The following BYSL variants were observed in gnomAD, a reference collection of about 807,000 sequenced individuals.
BYSL encodes the protein bystin.
In BYSL, 21 loss-of-function variants were observed where a neutral mutation model predicts 45.4. The ratio of observed to expected loss-of-function variants is 0.46; its 90% CI spans 0.33 to 0.67. BYSL has a LOEUF of 0.67. BYSL is among the 30% of genes least tolerant of loss of function. BYSL has a pLI of 0.02. For synonymous variants in BYSL, 215 were observed against 231.3 expected, an observed-to-expected ratio of 0.93 and a Z score of 0.64; for missense variants, 522 against 578.5, an observed-to-expected ratio of 0.90 and a Z score of 1.00.
In BYSL at chr6:41,931,457, C is replaced by T; in HGVS notation, c.766C>T (p.Pro256Ser). The T allele has an allele frequency of 1.2e-6, 2 of 1,614,192 alleles. No homozygotes were observed. Among genetic ancestry groups the T allele is most frequent in the Non-Finnish European group, 1.7e-6 (2 of 1,180,042 alleles). ...GCGCTTCTACAACCTTGTCCTGCTC[C>T]CTCGAGTACGAGATGACGTTGCTGA... ...AQRFYNLVLL[P>S]RVRDDVAEYK... Residue 256 changes from proline to serine, a missense_variant, in exon 5 of 7, where the codon CCT (proline) becomes TCT (serine). Physicochemically the swap from Pro to Ser is moderately conservative, Grantham distance 74. Coordinates refer to ENST00000230340, the MANE Select transcript of BYSL (RefSeq NM_004053.4).
In BYSL at chr6:41,928,185, G is replaced by A. The variant is rs78694567; in HGVS notation, c.431+649G>A. 6.3e-3 allele frequency among the ~76,000 whole-genome samples: 966 copies of A among 152,262 alleles called. 8 individuals are homozygous for A. The highest frequency in any genetic ancestry group is 0.02 in the African/African-American group (845 of 41,544). ...CATGCAGGCATTTAGACTGCCTGTGGTCAAACTCCTGAGCCCATAAATTTT... is the reference window on the plus strand; with the variant it reads ...CATGCAGGCATTTAGACTGCCTGTGATCAAACTCCTGAGCCCATAAATTTT... On this transcript the variant is annotated intron_variant, in intron 2 of 6. Transcript: ENST00000230340.
rs572178879 is a variant in BYSL, at chr6:41,927,868, C to T, written c.431+332C>T. Reference sequence around the variant, plus strand: ...GTTTTTTTAGCGGTAAGCTCAACTTCCTTGGACAAGTCTTCATATCCTAAG... The same window carrying T: ...GTTTTTTTAGCGGTAAGCTCAACTTTCTTGGACAAGTCTTCATATCCTAAG... On this transcript the variant is annotated intron_variant, in intron 2 of 6. Transcript: ENST00000230340. 6.8e-4 allele frequency among the ~76,000 whole-genome samples: 104 copies of T among 152,264 alleles called. 1 individual carries two copies. Among genetic ancestry groups the T allele is most frequent in the South Asian group, 1.0e-3 (5 of 4,818 alleles).
the BYSL span, among the ~76,000 whole-genome samples, chr6:41,913,268 GCA>G: frequency 6.6e-6 from 1 of 152,066 alleles, no homozygotes; most frequent in East Asian, 1.9e-4. Flanking sequence ...TGATCTAAAG[GCA>G]CAGAGCCAGT....
chr6:41,926,442 A>T (rs540625873), intron 1 of BYSL, among the ~76,000 whole-genome samples: 166 of 151,548 alleles, frequency 1.1e-3, no homozygotes, highest in African/African-American at 3.8e-3. Flanking sequence ...GGTTTATTTT[A>T]TTTTTTTTAA....
chr6:41,925,997 T>G (rs1775559029), intron 1 of BYSL, among the ~76,000 whole-genome samples: 1 of 152,202 alleles, frequency 6.6e-6, no homozygotes, highest in South Asian at 2.1e-4. Flanking sequence ...TTCATGTATT[T>G]AAATGGACTG....
chr6:41,926,634 A>T (rs1775567610), intron 1 of BYSL, among the ~76,000 whole-genome samples: 1 of 151,004 alleles, frequency 6.6e-6, no homozygotes, highest in African/African-American at 2.4e-5. Flanking sequence ...TATTTTTAGT[A>T]GAGATGGGGT....
chr6:41,930,677 A>G lies in BYSL; in HGVS notation c.613A>G (p.Lys205Glu). 1 of 1,613,886 alleles carries G rather than the reference A, an allele frequency of 6.2e-7. No homozygotes were observed. Reference sequence around the variant, plus strand: ...CAGTGGAAAACTGCCCAAGGCATTTAAGATCATCCCTGCACTCTCCAACTG... The same window carrying G: ...CAGTGGAAAACTGCCCAAGGCATTTGAGATCATCCCTGCACTCTCCAACTG... ...YRSGKLPKAF[K>E]IIPALSNWEQ... Residue 205 changes from lysine (K) to glutamate (E), a missense_variant, in exon 4 of 7, where the codon AAG becomes GAG. Lys to Glu is a moderately conservative substitution (Grantham distance 56, BLOSUM62 1). Transcript: ENST00000230340.
the BYSL span, among the ~76,000 whole-genome samples, chr6:41,910,951 A>C: frequency 1.5e-4 from 23 of 151,506 alleles, no homozygotes; most frequent in African/African-American, 4.8e-4. Flanking sequence ...TCTACTAAAA[A>C]CACAGAAATT....
At chr6:41,925,099 T>C (rs1428165042) in intron 1 of BYSL, among the ~76,000 whole-genome samples, 1 of 152,042 alleles carries the variant, frequency 6.6e-6, no homozygotes, top group Non-Finnish European at 1.5e-5. Context: ...CTGTGAGTCA[T>C]CCAAGAGCAG....
In BYSL at chr6:41,932,607, C is replaced by G. The variant is rs747896885; in HGVS notation, c.1215C>G (p.Leu405=). 1 of 1,614,212 alleles carries G rather than the reference C, an allele frequency of 6.2e-7. No individual in the cohort carries two copies. Among genetic ancestry groups the G allele is most frequent in the South Asian group, 1.1e-5 (1 of 91,088 alleles). ...AGAAAGAGGCCCTCTTAGAACTGCT[C>G]CGGCTGCAGCCCCATCCACAGCTAT... is the stretch of plus-strand genomic sequence containing the variant. ...TDQKEALLEL[L]RLQPHPQLSP... Residue 405 remains leucine (L), a synonymous_variant, in exon 7 of 7, where the codon CTC becomes CTG. Coordinates refer to ENST00000230340, the MANE Select transcript of BYSL (RefSeq NM_004053.4). The surrounding 1 kb of genome is among the most constrained non-coding windows in gnomAD (Gnocchi z 4.7).
chr6:41,914,861 G>A, the BYSL span, among the ~76,000 whole-genome samples: 12 of 152,120 alleles, frequency 7.9e-5, no homozygotes, highest in South Asian at 2.1e-4. Context: ...GTAAGAAAAC[G>A]GGAACTCTAA....
upstream of BYSL, among the ~76,000 whole-genome samples, chr6:41,918,105 G>A (rs1264642692): frequency 6.6e-6 from 1 of 152,142 alleles, no homozygotes; most frequent in Non-Finnish European, 1.5e-5. Context: ...GTAACCAACT[G>A]CCAACCAACA....
chr6:41,932,346 TC>T lies in BYSL; in HGVS notation c.969-12del. On this transcript the variant is annotated splice_polypyrimidine_tract_variant and intron_variant, in intron 6 of 6. Transcript: ENST00000230340. The surrounding 1 kb of genome is among the most constrained non-coding windows in gnomAD (Gnocchi z 4.7). ...TTTTCCCTGCTTACTCTACCCCACC[TC>T]CCTTTCCCACTAGTGCGGCCATGCT... is the stretch of plus-strand genomic sequence containing the variant. 1 of 1,601,556 alleles carries T rather than the reference TC, an allele frequency of 6.2e-7. No homozygotes were observed. Among genetic ancestry groups the T allele is most frequent in the East Asian group, 2.2e-5 (1 of 44,802 alleles).
At chr6:41,909,608 G>A in the BYSL span, 6 of 1,553,644 alleles carry the variant, frequency 3.9e-6, no homozygotes, top group East Asian at 4.5e-5. Flanking sequence ...CCGGAATGAG[G>A]CCAGACAGCA....
intron 2 of BYSL, among the ~76,000 whole-genome samples, chr6:41,928,832 C>G (rs1176364848): frequency 6.6e-6 from 1 of 152,190 alleles, no homozygotes; most frequent in Non-Finnish European, 1.5e-5. Flanking sequence ...CCCATGTCTG[C>G]ATAAGTTTCC....
chr6:41,915,118 C>G, the BYSL span, among the ~76,000 whole-genome samples: 1 of 152,166 alleles, frequency 6.6e-6, no homozygotes, highest in Non-Finnish European at 1.5e-5. Context: ...CTTTTAGAAA[C>G]TGCACAAAAC....
intron 3 of BYSL, 150 bp downstream of exon 3, chr6:41,930,420 T>C: frequency 4.0e-6 from 5 of 1,261,558 alleles, no homozygotes; most frequent in Non-Finnish European, 4.3e-6. Context: ...TGGGTTCAGA[T>C]TCCTGCTCTG....
the BYSL span, chr6:41,909,567 C>T: frequency 1.6e-5 from 25 of 1,601,136 alleles, no homozygotes; most frequent in Non-Finnish European, 2.1e-5. Flanking sequence ...CTTTCACTGG[C>T]AAACCCCAGA....
upstream of BYSL, chr6:41,920,701 C>A: frequency 3.4e-6 from 1 of 297,030 alleles, no homozygotes; most frequent in Non-Finnish European, 6.2e-6. Context: ...ACCCAAGAGG[C>A]GGAGTGTTGC....
Sources: gnomAD v4.1 joint callset for allele counts (sites outside exome capture counted in the v4.1 genomes callset) on GRCh38, gnomAD v4.1.1 for gene constraint, Gnocchi (gnomAD v3.1) non-coding constraint, MANE v1.5 for transcripts, NCBI Gene and HGNC (gene_info 2026-07-23, HGNC 2026-07-21) for gene names.